The following CDC14B variants were observed in gnomAD, a reference collection of about 807,000 sequenced individuals.
CDC14B encodes the protein dual specificity protein phosphatase CDC14B.
CDC14B carries 22 observed loss-of-function variants against 64.2 expected under a neutral mutation model. That is an observed-to-expected ratio of 0.34 (90% CI 0.24 to 0.49). The LOEUF is 0.49. CDC14B is among the 20% of genes least tolerant of loss of function. CDC14B has a pLI of 0.99. For missense variants in CDC14B, 498 were observed against 629.9 expected, an observed-to-expected ratio of 0.79 and a Z score of 2.24; for synonymous variants, 191 against 215.8, an observed-to-expected ratio of 0.89 and a Z score of 1.01.
intron 1 of CDC14B, among the ~76,000 whole-genome samples, chr9:96,584,985 C>T (rs1467161656): frequency 6.6e-6 from 1 of 152,176 alleles, no homozygotes; most frequent in Non-Finnish European, 1.5e-5. Context: ...ATTTTGAATA[C>T]ATAATTGCCT....
At chr9:96,491,700 G>C (rs995088427) in exon 14 of CDC14B, 1 of 152,134 alleles carries the variant, frequency 6.6e-6, no homozygotes, top group African/African-American at 2.4e-5. Flanking sequence ...CTTTCCTTTA[G>C]TGTTGTGAAT....
At chr9:96,493,038 C>T (rs1833126801) in exon 14 of CDC14B, 1 of 152,318 alleles carries the variant, frequency 6.6e-6, no homozygotes, top group Admixed American at 6.5e-5. Context: ...CCATTTCCTT[C>T]TGTTGATCAG....
chr9:96,512,775 T>C (rs570863500), intron 12 of CDC14B, among the ~76,000 whole-genome samples: 1 of 152,240 alleles, frequency 6.6e-6, no homozygotes, highest in South Asian at 2.1e-4. Flanking sequence ...GGGGCACTCG[T>C]GCTGCCACTG....
At chr9:96,495,041 A>G (rs865984364) in intron 13 of CDC14B, among the ~76,000 whole-genome samples, 3 of 151,642 alleles carry the variant, frequency 2.0e-5, no homozygotes. Context: ...TCACCGTGTT[A>G]GCCAGGATGG....
In CDC14B at chr9:96,505,393, T is replaced by C. The variant is rs144138106; in HGVS notation, c.1461-1604A>G. Reference sequence around the variant, plus strand: ...GTTTCTTAGAAAATGAATGAAGTTATCATTTTAAAAAAAGAAGAGCCTGCC... The same window carrying C: ...GTTTCTTAGAAAATGAATGAAGTTACCATTTTAAAAAAAGAAGAGCCTGCC... On this transcript the variant is annotated intron_variant, in intron 13 of 13. Transcript: ENST00000375241. Among the ~76,000 whole-genome samples the C allele has an allele frequency of 2.8e-3, 420 of 152,172 alleles. 2 individuals carry two copies. Among genetic ancestry groups the C allele is most frequent in the Non-Finnish European group, 4.7e-3 (318 of 68,010 alleles).
At chr9:96,509,593 G>A (rs1834627383) in intron 13 of CDC14B, 80 bp downstream of exon 13, 3 of 819,564 alleles carry the variant, frequency 3.7e-6, no homozygotes, top group Non-Finnish European at 6.4e-6. Flanking sequence ...TTTCATGTCA[G>A]TCTCCAGAGG....
intron 7 of CDC14B, among the ~76,000 whole-genome samples, 163 bp from the exon 8 acceptor site, chr9:96,534,705 A>G (rs543524197): frequency 1.3e-5 from 2 of 152,348 alleles, no homozygotes; most frequent in South Asian, 2.1e-4. Flanking sequence ...TGCTATAAGT[A>G]TATCTAGGGA....
intron 9 of CDC14B, 125 bp from the exon 10 acceptor site, chr9:96,523,850 C>G (rs1837157432): frequency 1.1e-6 from 1 of 914,958 alleles, no homozygotes; most frequent in Admixed American, 2.6e-5. Context: ...GTTCTCAAGG[C>G]TGGTTACACT....
chr9:96,566,891 C>A (rs1051656436), intron 1 of CDC14B: 12 of 1,553,388 alleles, frequency 7.7e-6, no homozygotes, highest in African/African-American at 1.4e-5. Flanking sequence ...CGCGACCACA[C>A]CCCCGAAGTT....
intron 3 of CDC14B, among the ~76,000 whole-genome samples, chr9:96,563,404 G>C (rs143660389): frequency 1.3e-5 from 2 of 152,274 alleles, no homozygotes; most frequent in Non-Finnish European, 1.5e-5. Flanking sequence ...TGTAATCTCA[G>C]TACTTTAGGA....
intron 12 of CDC14B, chr9:96,514,751 A>G: frequency 1.0e-6 from 1 of 985,476 alleles, no homozygotes; most frequent in South Asian, 4.7e-5. Context: ...CAGACACAGA[A>G]GGGTGGCGGT....
intron 13 of CDC14B, among the ~76,000 whole-genome samples, chr9:96,494,877 C>A (rs571097182): frequency 5.3e-5 from 8 of 150,208 alleles, no homozygotes; most frequent in Middle Eastern, 3.4e-3. Context: ...CTCTGTCGCC[C>A]AGGCTGCAGT....
chr9:96,541,030 CAT>C (rs1006254862), intron 6 of CDC14B, among the ~76,000 whole-genome samples: 1 of 152,218 alleles, frequency 6.6e-6, no homozygotes, highest in African/African-American at 2.4e-5. Context: ...AGCAAGCCAC[CAT>C]GTTTCATTAT....
chr9:96,547,870 G>T (rs1214693107), intron 5 of CDC14B, among the ~76,000 whole-genome samples: 3 of 151,498 alleles, frequency 2.0e-5, no homozygotes, highest in Admixed American at 6.6e-5. Flanking sequence ...CTGTTGCCCA[G>T]GCTGGAGTGC....
At chr9:96,570,740 C>T (rs891524454) in intron 1 of CDC14B, among the ~76,000 whole-genome samples, 1 of 152,150 alleles carries the variant, frequency 6.6e-6, no homozygotes, top group Non-Finnish European at 1.5e-5. Flanking sequence ...AGTTTAGTGT[C>T]GCGTATTGTA....
chr9:96,545,124 AC>A (rs1180217344), intron 5 of CDC14B, among the ~76,000 whole-genome samples: 1 of 152,118 alleles, frequency 6.6e-6, no homozygotes, highest in Non-Finnish European at 1.5e-5. Context: ...TGAATCACCA[AC>A]CTACAAATCA....
At chr9:96,522,465 T>C (rs1836881700) in intron 12 of CDC14B, 41 bp downstream of exon 12, 3 of 1,305,562 alleles carry the variant, frequency 2.3e-6, no homozygotes, top group African/African-American at 1.5e-5. Context: ...CCCACACACA[T>C]ATGAAGAAAC....
intron 5 of CDC14B, among the ~76,000 whole-genome samples, chr9:96,551,329 C>T (rs867346304): frequency 1.3e-5 from 2 of 151,624 alleles, no homozygotes; most frequent in African/African-American, 2.4e-5. Flanking sequence ...TCTTTGTTGC[C>T]GAGGCTGGTC....
chr9:96,544,544 G>A lies in CDC14B; in HGVS notation c.498-2652C>T, dbSNP rs148743834. Among the ~76,000 whole-genome samples the A allele has an allele frequency of 5.4e-3, 819 of 152,268 alleles. 9 individuals carry two copies. The highest frequency in any genetic ancestry group is 8.7e-3 in the Non-Finnish European group (591 of 68,026). Reference sequence around the variant, plus strand: ...CGGTCTCACTATGTTGCCCAGGCTGGAGTGCAGTGGTGCAATCATGGCTCA... The same window carrying A: ...CGGTCTCACTATGTTGCCCAGGCTGAAGTGCAGTGGTGCAATCATGGCTCA... On this transcript the variant is annotated intron_variant, in intron 5 of 13. Coordinates refer to ENST00000375241, the MANE Select transcript of CDC14B (RefSeq NM_033331.4).
Sources: allele counts gnomAD v4.1 joint callset (sites outside exome capture counted in the v4.1 genomes callset), GRCh38; gene constraint gnomAD v4.1.1; transcripts MANE v1.5; gene names NCBI Gene and HGNC (gene_info 2026-07-23, HGNC 2026-07-21).